Variants in NFIB observed in about 807,000 individuals in gnomAD.
NFIB encodes nuclear factor 1 B-type.
In NFIB, 11 loss-of-function variants were observed where a neutral mutation model predicts 61.5. The observed-to-expected ratio is 0.18, with a 90% CI of 0.11 to 0.30. The LOEUF (loss-of-function observed/expected upper bound fraction) is 0.30. NFIB is among the 10% of genes least tolerant of loss of function. The pLI is 1.00. For synonymous variants in NFIB, 260 were observed against 216.5 expected (o/e 1.20, Z -1.76); for missense variants, 471 against 608.9 (o/e 0.77, Z 2.38).
chr9:14,289,902 C>A (rs1411985100), intron 2 of NFIB, among the ~76,000 whole-genome samples: 1 of 151,918 alleles, frequency 6.6e-6, no homozygotes, highest in Non-Finnish European at 1.5e-5. Context: ...CATTCCAGAC[C>A]ATGAAAATGT....
intron 2 of NFIB, among the ~76,000 whole-genome samples, chr9:14,264,261 C>T (rs2057015610): frequency 6.6e-6 from 1 of 152,030 alleles, no homozygotes; most frequent in South Asian, 2.1e-4. Flanking sequence ...TCCTTCCTCT[C>T]TGTTACTAAG....
At chr9:14,182,219 G>T (rs2046856154) in intron 2 of NFIB, among the ~76,000 whole-genome samples, 1 of 152,136 alleles carries the variant, frequency 6.6e-6, no homozygotes, top group African/African-American at 2.4e-5. Flanking sequence ...AGCTGAAGTA[G>T]ACCCTAAATT....
intron 2 of NFIB, among the ~76,000 whole-genome samples, chr9:14,192,794 T>A (rs1207174325): frequency 6.6e-6 from 1 of 152,152 alleles, no homozygotes. Flanking sequence ...CCATTCAGCT[T>A]TTCATCTATT....
At chr9:14,284,986 T>C (rs1290112636) in intron 2 of NFIB, among the ~76,000 whole-genome samples, 1 of 152,140 alleles carries the variant, frequency 6.6e-6, no homozygotes, top group Non-Finnish European at 1.5e-5. Context: ...ATAAGCAGCA[T>C]AGAGCAAGAG....
chr9:14,108,504 A>G (rs1183477690), intron 10 of NFIB, among the ~76,000 whole-genome samples: 4 of 152,256 alleles, frequency 2.6e-5, no homozygotes, highest in African/African-American at 9.6e-5. Flanking sequence ...TTTTAAAAAC[A>G]AAAGTGTTAT....
At chr9:14,522,074 T>C in the NFIB span, among the ~76,000 whole-genome samples, 1 of 152,280 alleles carries the variant, frequency 6.6e-6, no homozygotes, top group South Asian at 2.1e-4. Context: ...AACTGACAAA[T>C]ATGGCTGGCC....
chr9:14,188,796 C>G (rs1405444788), intron 2 of NFIB, among the ~76,000 whole-genome samples: 1 of 152,154 alleles, frequency 6.6e-6, no homozygotes, highest in East Asian at 1.9e-4. Context: ...TTCAGCTATA[C>G]TATGTAATAT....
At chr9:14,232,884 G>C (rs1476453471) in intron 2 of NFIB, among the ~76,000 whole-genome samples, 1 of 152,088 alleles carries the variant, frequency 6.6e-6, no homozygotes, top group Non-Finnish European at 1.5e-5. Context: ...AAGAAATCAG[G>C]AGTGCCCACC....
intron 1 of NFIB, among the ~76,000 whole-genome samples, chr9:14,358,884 A>C (rs2061206923): frequency 1.3e-5 from 2 of 152,368 alleles, no homozygotes; most frequent in South Asian, 4.1e-4. Flanking sequence ...AATTATGTTA[A>C]AAATGAAGGT....
chr9:14,175,720 T>G (rs928023864), intron 3 of NFIB, among the ~76,000 whole-genome samples: 5 of 152,134 alleles, frequency 3.3e-5, no homozygotes, highest in African/African-American at 1.2e-4. Context: ...GAAAGTAGCA[T>G]GTTAAGTCCA....
the NFIB span, among the ~76,000 whole-genome samples, chr9:14,507,590 A>C: frequency 6.6e-6 from 1 of 152,232 alleles, no homozygotes. Context: ...TTTCCAACTC[A>C]AACTGTTTAA....
the NFIB span, among the ~76,000 whole-genome samples, chr9:14,530,404 AAG>A: frequency 7.1e-6 from 1 of 141,532 alleles, no homozygotes; most frequent in Non-Finnish European, 1.5e-5. Context: ...GGTGAGGGGA[AAG>A]AGAGAGGGAG....
chr9:14,280,724 C>G (rs917126563), intron 2 of NFIB, among the ~76,000 whole-genome samples: 1 of 151,978 alleles, frequency 6.6e-6, no homozygotes, highest in Admixed American at 6.6e-5. Context: ...GTCTGTGGTT[C>G]CTTGGAGGAT....
intron 4 of NFIB, among the ~76,000 whole-genome samples, chr9:14,154,821 A>G (rs2043216726): frequency 6.6e-6 from 1 of 152,214 alleles, no homozygotes; most frequent in Non-Finnish European, 1.5e-5. Flanking sequence ...TTCAAAAGAC[A>G]GTCAGTGATA....
intron 1 of NFIB, among the ~76,000 whole-genome samples, chr9:14,388,504 T>C (rs1461430295): frequency 7.5e-6 from 1 of 133,798 alleles, no homozygotes; most frequent in Non-Finnish European, 1.6e-5. Flanking sequence ...AGAGAGAAAG[T>C]AAGGAGGGAA....
At chr9:14,250,367 T>G (rs1041715650) in intron 2 of NFIB, among the ~76,000 whole-genome samples, 1 of 152,214 alleles carries the variant, frequency 6.6e-6, no homozygotes, top group Non-Finnish European at 1.5e-5. Flanking sequence ...TTGTACCATT[T>G]CTCAAAGGCA....
chr9:14,449,679 C>T, the NFIB span, among the ~76,000 whole-genome samples: 2 of 152,004 alleles, frequency 1.3e-5, no homozygotes, highest in African/African-American at 2.4e-5. Context: ...CCTGTAATCC[C>T]AGCAATTTGG....
chr9:14,223,342 C>T (rs1165508065), intron 2 of NFIB, among the ~76,000 whole-genome samples: 3 of 152,170 alleles, frequency 2.0e-5, no homozygotes, highest in African/African-American at 4.8e-5. Flanking sequence ...GTGACTACTA[C>T]GTAATACTCC....
At chr9:14,283,836 G>C (rs2058539008) in intron 2 of NFIB, among the ~76,000 whole-genome samples, 2 of 152,186 alleles carry the variant, frequency 1.3e-5, no homozygotes, top group Admixed American at 1.3e-4. Context: ...GTAGAAAGAA[G>C]AAACATTTAC....
Sources: allele counts gnomAD v4.1 joint callset (sites outside exome capture counted in the v4.1 genomes callset), GRCh38; gene constraint gnomAD v4.1.1; transcripts MANE v1.5; gene names NCBI Gene and HGNC (gene_info 2026-07-23, HGNC 2026-07-21).